TOGARAM1: variants seen among roughly 807,000 people sequenced by gnomAD.
TOGARAM1 encodes the protein TOG array regulator of axonemal microtubules protein 1.
TOGARAM1 carries 100 observed loss-of-function variants against 166.6 expected under a neutral mutation model. The observed-to-expected ratio is 0.60, with a 90% CI of 0.51 to 0.71. TOGARAM1 has a LOEUF of 0.71. TOGARAM1 is among the 30% of genes least tolerant of loss of function. The pLI, the probability that TOGARAM1 is intolerant of heterozygous loss-of-function variation, is 0.00. For synonymous variants in TOGARAM1, 758 were observed against 763.8 expected, an observed-to-expected ratio of 0.99 and a Z score of 0.13; for missense variants, 2,029 against 2,102.7, an observed-to-expected ratio of 0.96 and a Z score of 0.69.
At chr14:45,025,743 T>G in intron 7 of TOGARAM1, 40 bp from the exon 8 acceptor site, 1 of 1,124,200 alleles carries the variant, frequency 8.9e-7, no homozygotes, top group Non-Finnish European at 1.3e-6. Context: ...AATAAGCAAA[T>G]ATGTTTAAGT....
intron 16 of TOGARAM1, among the ~76,000 whole-genome samples, chr14:45,065,115 C>T (rs1206358252): frequency 6.6e-6 from 1 of 152,038 alleles, no homozygotes; most frequent in Non-Finnish European, 1.5e-5. Context: ...GATCATGCCA[C>T]TGCACTGCAG....
chr14:44,974,762 G>A (rs1886088292), intron 1 of TOGARAM1, among the ~76,000 whole-genome samples: 1 of 150,808 alleles, frequency 6.6e-6, no homozygotes, highest in Non-Finnish European at 1.5e-5. Flanking sequence ...CCCTTTCGGT[G>A]TGTGTGTCTG....
At chr14:45,038,374 A>G (rs1447842496) in intron 11 of TOGARAM1, among the ~76,000 whole-genome samples, 1 of 152,244 alleles carries the variant, frequency 6.6e-6, no homozygotes, top group East Asian at 1.9e-4. Context: ...CTACCAGCCC[A>G]GATCCCATGC....
At chr14:45,063,507 CAG>C (rs934916146) in intron 16 of TOGARAM1, among the ~76,000 whole-genome samples, 2 of 112,668 alleles carry the variant, frequency 1.8e-5, no homozygotes, top group Admixed American at 9.8e-5. Flanking sequence ...TTTTTGGAGA[CAG>C]AGTCTCGCAC....
chr14:45,031,099 T>TTTTGCAA (rs1881129551), intron 10 of TOGARAM1, among the ~76,000 whole-genome samples: 1 of 152,148 alleles, frequency 6.6e-6, no homozygotes, highest in Admixed American at 6.5e-5. Flanking sequence ...TCAAGTGAAA[T>TTTTGCAA]CTCTTATATT....
intron 5 of TOGARAM1, chr14:45,007,350 T>C (rs1227139330): frequency 6.6e-6 from 1 of 151,790 alleles, no homozygotes; most frequent in Non-Finnish European, 1.5e-5. Flanking sequence ...AACTCATTTG[T>C]ATTTTACTAG....
chr14:45,066,024 ATTGT>A lies in TOGARAM1; in HGVS notation c.4560-550_4560-547del, dbSNP rs1222418578. Among the ~76,000 whole-genome samples the A allele has an allele frequency of 2.0e-5, 3 of 152,196 alleles. No homozygotes were observed. In the East Asian group the frequency reaches 5.8e-4, roughly 29 times the overall value. On this transcript the variant is annotated intron_variant, in intron 16 of 19. Coordinates refer to ENST00000361462, the MANE Select transcript of TOGARAM1 (RefSeq NM_001308120.2). ...TGATAAGATAGTTTACTGCGCCTAA[ATTGT>A]TTGGGCAAACAATATGGTTTATGCT...
chr14:44,963,577 TCTA>T lies in TOGARAM1; in HGVS notation c.1159_1161del (p.Thr387del), dbSNP rs1457760941. On this transcript the variant is annotated inframe_deletion, in exon 1 of 20. Coordinates refer to ENST00000361462, the MANE Select transcript of TOGARAM1 (RefSeq NM_001308120.2). Reference sequence around the variant, plus strand: ...GGTGCTGGGAAAATTTAACCCTAGTTCTACTCCTCATTCTAGTCTTGTTGGCTT... The same window carrying T: ...GGTGCTGGGAAAATTTAACCCTAGTTCTCCTCATTCTAGTCTTGTTGGCTT... 1.2e-6 allele frequency: 2 copies of T among 1,613,854 alleles called. No individual in the cohort carries two copies. Among genetic ancestry groups the T allele is most frequent in the Non-Finnish European group, 8.5e-7 (1 of 1,179,846 alleles).
At chr14:45,041,993 A>C (rs1323971996) in intron 11 of TOGARAM1, 3 of 152,292 alleles carry the variant, frequency 2.0e-5, no homozygotes, top group Non-Finnish European at 4.4e-5. Flanking sequence ...GGGCTCAAGC[A>C]ATCTGCCCAC....
intron 5 of TOGARAM1, chr14:45,007,653 A>G (rs1017576447): frequency 1.4e-4 from 22 of 152,128 alleles, no homozygotes; most frequent in African/African-American, 5.3e-4. Flanking sequence ...CCTCCCTTAT[A>G]GTTGCTAATA....
At chr14:45,026,574 G>A (rs1231899701) in intron 8 of TOGARAM1, among the ~76,000 whole-genome samples, 1 of 152,040 alleles carries the variant, frequency 6.6e-6, no homozygotes, top group African/African-American at 2.4e-5. Flanking sequence ...CCACATAAAT[G>A]CTTTAGAAAC....
At chr14:45,042,480 T>C (rs1594683863) in intron 11 of TOGARAM1, among the ~76,000 whole-genome samples, 4 of 151,838 alleles carry the variant, frequency 2.6e-5, no homozygotes, top group African/African-American at 7.2e-5. Context: ...CATAAATACA[T>C]ATAGAGAGAG....
intron 1 of TOGARAM1, among the ~76,000 whole-genome samples, chr14:44,984,675 T>G (rs983280801): frequency 6.6e-5 from 10 of 151,666 alleles, no homozygotes; most frequent in African/African-American, 2.2e-4. Flanking sequence ...CTTGGGAAGC[T>G]GACGTAGAAG....
rs1481394269 is a variant in TOGARAM1 at position 44,962,611 on chromosome 14, A to T, written c.190A>T (p.Thr64Ser). 3 of 1,613,576 alleles carry T rather than the reference A, an allele frequency of 1.9e-6. No individual in the cohort carries two copies. The highest frequency in any genetic ancestry group is 2.7e-5 in the African/African-American group (2 of 74,996). ...GGACCACGGTTCCTGCCCCACTACA[A>T]CTTCGCCTCTGGCCTCGGCCCTCTT... Reference protein sequence around the residue: ...AGDHGSCPTTTSPLASALLMP... With the variant: ...AGDHGSCPTTSSPLASALLMP... Residue 64 changes from threonine to serine, a missense_variant, in exon 1 of 20, where the codon ACT becomes TCT. Physicochemically the swap from Thr to Ser is moderately conservative, Grantham distance 58. Around this residue, in one of 2 missense-constraint regions of TOGARAM1, gnomAD observed 1,453 missense variants for 1,432.2 expected, o/e 1.01. Coordinates refer to ENST00000361462, the MANE Select transcript of TOGARAM1 (RefSeq NM_001308120.2).
Position 44,962,271 on chromosome 14 carries a change from C to T in TOGARAM1, c.-151C>T. 2.1e-6 allele frequency: 2 copies of T among 971,138 alleles called. No homozygotes were observed. The highest frequency in any genetic ancestry group is 1.4e-6 in the Non-Finnish European group (1 of 699,404). The allele number at this position is 971,138 out of a possible 1,614,324, so 60.2% of individuals were successfully genotyped here. ...GGCCATTTTGCCAGAGGCTGCCTCCCGGAGTTGGGGGCGGCCTGGCGGCAG... is the reference window on the plus strand; with the variant it reads ...GGCCATTTTGCCAGAGGCTGCCTCCTGGAGTTGGGGGCGGCCTGGCGGCAG... On this transcript the variant is annotated 5_prime_UTR_variant, in exon 1 of 20. Coordinates refer to ENST00000361462, the MANE Select transcript of TOGARAM1 (RefSeq NM_001308120.2).
chr14:45,028,795 C>T (rs1372684045), intron 10 of TOGARAM1, among the ~76,000 whole-genome samples: 2 of 151,868 alleles, frequency 1.3e-5, no homozygotes, highest in Non-Finnish European at 2.9e-5. Context: ...ATAGTAGCAA[C>T]TAGGAAAAAT....
At chr14:45,010,713 C>G (rs943231517) in intron 6 of TOGARAM1, among the ~76,000 whole-genome samples, 3 of 152,060 alleles carry the variant, frequency 2.0e-5, no homozygotes, top group African/African-American at 7.2e-5. Flanking sequence ...GGCTTTAGAA[C>G]AATTATTCTT....
At chr14:45,008,319 A>G (rs1361830825) in intron 5 of TOGARAM1, among the ~76,000 whole-genome samples, 1 of 151,214 alleles carries the variant, frequency 6.6e-6, no homozygotes, top group Non-Finnish European at 1.5e-5. Context: ...GCTCATTGCA[A>G]CCTTTGCCTC....
In TOGARAM1 at chr14:45,054,529, T is replaced by G. The variant is rs1200343594; in HGVS notation, c.4539T>G (p.Asp1513Glu). The G allele has an allele frequency of 1.9e-6, 3 of 1,610,444 alleles. No homozygotes were observed. The highest frequency in any genetic ancestry group is 2.5e-6 in the Non-Finnish European group (3 of 1,177,344). ...GNTRSSSVSR[D>E]AFNSAERAVT... The stretch of plus-strand genomic sequence containing the variant: ...CAAGATCATCATCTGTTTCTAGAGA[T>G]GCTTTCAATTCAGCTGAAAGGTAAG... Residue 1513 changes from aspartate to glutamate, a missense_variant, in exon 16 of 20, where the codon GAT becomes GAG. Physicochemically the swap from Asp to Glu is conservative, Grantham distance 45. Transcript: ENST00000361462.
Sources: allele counts gnomAD v4.1 joint callset (sites outside exome capture counted in the v4.1 genomes callset), GRCh38; gene constraint gnomAD v4.1.1; regional missense constraint gnomAD v4.1.1; transcripts MANE v1.5; gene names NCBI Gene and HGNC (gene_info 2026-07-23, HGNC 2026-07-21).